Variants in ERBB4 observed in about 807,000 individuals in gnomAD.
ERBB4 encodes erb-b2 receptor tyrosine kinase 4, also known as receptor tyrosine-protein kinase erbB-4.
ERBB4 carries 42 observed loss-of-function variants against 158.0 expected under a neutral mutation model. That is an observed-to-expected ratio of 0.27 (90% CI 0.21 to 0.34). ERBB4 has a LOEUF of 0.34. Among genes scored for constraint, ERBB4 ranks in the 10% least tolerant of loss-of-function variants. ERBB4 has a pLI of 1.00. For missense variants in ERBB4, 1,333 were observed against 1,624.1 expected, an observed-to-expected ratio of 0.82 and a Z score of 3.08; for synonymous variants, 583 against 558.7, an observed-to-expected ratio of 1.04 and a Z score of -0.61.
intron 1 of ERBB4, among the ~76,000 whole-genome samples, chr2:212,514,792 A>G (rs1239052316): frequency 6.6e-6 from 1 of 152,200 alleles, no homozygotes; most frequent in Non-Finnish European, 1.5e-5. Context: ...TGACAGACCA[A>G]GACTCCATCT....
chr2:211,725,269 C>A (rs923667793), intron 5 of ERBB4, 75 bp from the exon 6 acceptor site: 5 of 1,055,956 alleles, frequency 4.7e-6, no homozygotes, highest in African/African-American at 4.7e-5. Context: ...TCTGGAGTGA[C>A]AATTTCTCAC....
At chr2:212,511,055 CAAAAA>C (rs940883595) in intron 1 of ERBB4, among the ~76,000 whole-genome samples, 1 of 151,824 alleles carries the variant, frequency 6.6e-6, no homozygotes, top group Non-Finnish European at 1.5e-5. Context: ...GGCATGTACT[CAAAAA>C]AACGGATATT....
intron 2 of ERBB4, among the ~76,000 whole-genome samples, chr2:211,991,167 C>T (rs2082066698): frequency 1.3e-5 from 2 of 151,856 alleles, no homozygotes; most frequent in African/African-American, 2.4e-5. Flanking sequence ...TATTGAATGC[C>T]TCTGTTGTGT....
At chr2:212,199,769 G>C (rs1232575267) in intron 1 of ERBB4, among the ~76,000 whole-genome samples, 2 of 151,662 alleles carry the variant, frequency 1.3e-5, no homozygotes, top group Non-Finnish European at 2.9e-5. Flanking sequence ...ACAATATCCA[G>C]CTCATATTTA....
intron 20 of ERBB4, among the ~76,000 whole-genome samples, chr2:211,437,927 T>C (rs1454240587): frequency 6.6e-6 from 1 of 152,154 alleles, no homozygotes; most frequent in Admixed American, 6.5e-5. Context: ...GAGCTAAAGA[T>C]ATAAGCATGT....
At chr2:211,658,461 T>C (rs767251292) in intron 15 of ERBB4, among the ~76,000 whole-genome samples, 1 of 152,202 alleles carries the variant, frequency 6.6e-6, no homozygotes, top group Non-Finnish European at 1.5e-5. Flanking sequence ...AAGGTTGATT[T>C]TGGCAGAAAA....
chr2:212,094,695 G>T (rs2078876776), intron 2 of ERBB4, among the ~76,000 whole-genome samples: 1 of 152,160 alleles, frequency 6.6e-6, no homozygotes, highest in Non-Finnish European at 1.5e-5. Context: ...CTCATCAGAA[G>T]CTAAGCAGGT....
intron 1 of ERBB4, among the ~76,000 whole-genome samples, chr2:212,266,667 T>C (rs2085147746): frequency 6.6e-6 from 1 of 151,964 alleles, no homozygotes; most frequent in Non-Finnish European, 1.5e-5. Context: ...AAAAGTAGAA[T>C]TGGTGACAGG....
intron 1 of ERBB4, among the ~76,000 whole-genome samples, chr2:212,339,705 G>A (rs1266494117): frequency 6.6e-6 from 1 of 152,038 alleles, no homozygotes. Flanking sequence ...GGAAATAACA[G>A]GGGAGAGCAA....
At chr2:212,385,259 A>G (rs2090637625) in intron 1 of ERBB4, among the ~76,000 whole-genome samples, 1 of 151,840 alleles carries the variant, frequency 6.6e-6, no homozygotes, top group South Asian at 2.1e-4. Flanking sequence ...GCTTAATTCT[A>G]TATTTAAAAT....
chr2:211,883,644 G>A (rs2078721018), intron 3 of ERBB4, among the ~76,000 whole-genome samples: 1 of 151,780 alleles, frequency 6.6e-6, no homozygotes, highest in South Asian at 2.1e-4. Flanking sequence ...AAATTATCCT[G>A]GCGTTGTCGT....
At chr2:212,209,950 G>GAAA (rs2082881762) in intron 1 of ERBB4, among the ~76,000 whole-genome samples, 1 of 151,974 alleles carries the variant, frequency 6.6e-6, no homozygotes, top group East Asian at 1.9e-4. Flanking sequence ...GACCTGCATT[G>GAAA]TTTTTCAGCT....
intron 1 of ERBB4, among the ~76,000 whole-genome samples, chr2:212,432,247 G>A (rs972235995): frequency 1.3e-5 from 2 of 152,070 alleles, no homozygotes; most frequent in African/African-American, 4.8e-5. Context: ...AAGATAAACA[G>A]AATTTTATAA....
intron 1 of ERBB4, among the ~76,000 whole-genome samples, chr2:212,436,668 T>C (rs1274499670): frequency 6.6e-6 from 1 of 152,042 alleles, no homozygotes; most frequent in African/African-American, 2.4e-5. Flanking sequence ...TATAAATGAA[T>C]TCTATATTTA....
chr2:211,743,706 T>C (rs2074869324), intron 5 of ERBB4, among the ~76,000 whole-genome samples: 1 of 152,200 alleles, frequency 6.6e-6, no homozygotes, highest in East Asian at 1.9e-4. Context: ...AGACTTCACA[T>C]AGCAGATAAG....
At chr2:212,388,969 T>A (rs560827215) in intron 1 of ERBB4, among the ~76,000 whole-genome samples, 9 of 152,166 alleles carry the variant, frequency 5.9e-5, no homozygotes, top group Middle Eastern at 6.3e-3. Flanking sequence ...TCAACTTATA[T>A]ATGCTGCAAT....
intron 2 of ERBB4, among the ~76,000 whole-genome samples, chr2:211,977,749 GGCTGAGGCAGGAGAATC>G (rs2081655073): frequency 1.3e-5 from 2 of 150,768 alleles, no homozygotes; most frequent in East Asian, 3.9e-4. Flanking sequence ...CTACCCTGGA[GGCTGAGGCAGGAGAATC>G]GCGTGAACCT....
chr2:211,937,515 C>T (rs1484193205), intron 3 of ERBB4, among the ~76,000 whole-genome samples: 1 of 152,042 alleles, frequency 6.6e-6, no homozygotes, highest in Non-Finnish European at 1.5e-5. Flanking sequence ...GAAGATACCA[C>T]CCAAGATTGG....
chr2:211,466,013 G>T (rs2064677668), intron 20 of ERBB4, among the ~76,000 whole-genome samples: 1 of 152,094 alleles, frequency 6.6e-6, no homozygotes, highest in Non-Finnish European at 1.5e-5. Flanking sequence ...TGTTATTAAG[G>T]TCTTGTTTGG....
Sources: gnomAD v4.1 joint callset for allele counts (sites outside exome capture counted in the v4.1 genomes callset) on GRCh38, gnomAD v4.1.1 for gene constraint, MANE v1.5 for transcripts, NCBI Gene and HGNC (gene_info 2026-07-23, HGNC 2026-07-21) for gene names.